NRG3: variants seen among roughly 807,000 people sequenced by gnomAD.
NRG3 encodes the protein pro-neuregulin-3, membrane-bound isoform.
A neutral mutation model predicts 66.9 loss-of-function variants in NRG3; 31 were observed. The observed-to-expected ratio is 0.46, with a 90% confidence interval of 0.35 to 0.63. The LOEUF (loss-of-function observed/expected upper bound fraction) is 0.63. Ranked by LOEUF, NRG3 falls within the 20% of genes least tolerant of loss-of-function variation. The pLI, the probability that NRG3 is intolerant of heterozygous loss-of-function variation, is 0.00. For synonymous variants in NRG3, 393 were observed against 359.4 expected (o/e 1.09, Z -1.06); for missense variants, 910 against 878.9 (o/e 1.04, Z -0.45).
chr10:82,959,113 C>T (rs1850363461), intron 6 of NRG3, 38 bp downstream of exon 6: 5 of 1,531,068 alleles, frequency 3.3e-6, no homozygotes, highest in Non-Finnish European at 4.4e-6. Context: ...CTATAGCCTA[C>T]CTCAGTGCTT....
intron 1 of NRG3, among the ~76,000 whole-genome samples, chr10:82,005,563 A>G (rs1459469618): frequency 6.6e-6 from 1 of 152,178 alleles, no homozygotes; most frequent in Non-Finnish European, 1.5e-5. Context: ...TAATCGATCA[A>G]CTAACATTGT....
intron 1 of NRG3, among the ~76,000 whole-genome samples, chr10:82,306,726 A>C (rs916049542): frequency 3.4e-5 from 5 of 148,798 alleles, no homozygotes; most frequent in Non-Finnish European, 6.0e-5. Context: ...AAAAAAAAAA[A>C]AAAAAAAAAA....
At chr10:82,486,360 G>T (rs1308952530) in intron 2 of NRG3, among the ~76,000 whole-genome samples, 1 of 151,980 alleles carries the variant, frequency 6.6e-6, no homozygotes, top group South Asian at 2.1e-4. Flanking sequence ...GGTAGAAAAA[G>T]CCTAAATGTC....
intron 3 of NRG3, among the ~76,000 whole-genome samples, chr10:82,833,698 G>T (rs2062640895): frequency 6.6e-6 from 1 of 152,066 alleles, no homozygotes; most frequent in Non-Finnish European, 1.5e-5. Flanking sequence ...GCCCTGCCTG[G>T]GCACAACACC....
chr10:82,521,241 GCTT>G (rs1263355907), intron 2 of NRG3, among the ~76,000 whole-genome samples: 1 of 152,132 alleles, frequency 6.6e-6, no homozygotes, highest in Non-Finnish European at 1.5e-5. Flanking sequence ...AATCATCTGA[GCTT>G]TCAGGGAGTC....
chr10:82,086,644 C>T (rs985787872), intron 1 of NRG3, among the ~76,000 whole-genome samples: 20 of 152,002 alleles, frequency 1.3e-4, no homozygotes, highest in South Asian at 6.2e-4. Context: ...ACAGTGTGGA[C>T]GCAATACATT....
intron 3 of NRG3, among the ~76,000 whole-genome samples, chr10:82,754,718 AT>A (rs2059010039): frequency 6.6e-6 from 1 of 152,106 alleles, no homozygotes; most frequent in South Asian, 2.1e-4. Flanking sequence ...ATGTAGCTTT[AT>A]TTGACTCCTA....
intron 1 of NRG3, among the ~76,000 whole-genome samples, chr10:82,185,836 T>A (rs2073769495): frequency 1.3e-5 from 2 of 152,190 alleles, no homozygotes; most frequent in Admixed American, 6.6e-5. Context: ...TCTAAAAAAT[T>A]AATGAAACAA....
At chr10:82,731,955 A>G (rs969646779) in intron 2 of NRG3, among the ~76,000 whole-genome samples, 1 of 152,198 alleles carries the variant, frequency 6.6e-6, no homozygotes, top group African/African-American at 2.4e-5. Context: ...ATAGTTAATA[A>G]CAATGTACTA....
chr10:82,071,469 G>C (rs2064803235), intron 1 of NRG3, among the ~76,000 whole-genome samples: 1 of 152,154 alleles, frequency 6.6e-6, no homozygotes, highest in Non-Finnish European at 1.5e-5. Flanking sequence ...AGAGAGAAGG[G>C]CATCCCAGGC....
chr10:82,957,498 T>G (rs1850166388), intron 5 of NRG3, among the ~76,000 whole-genome samples: 2 of 152,056 alleles, frequency 1.3e-5, no homozygotes, highest in African/African-American at 2.4e-5. Flanking sequence ...GAGTCATTTG[T>G]GTTAAAAACC....
chr10:82,539,738 A>G (rs567946233), intron 2 of NRG3, among the ~76,000 whole-genome samples: 5 of 152,006 alleles, frequency 3.3e-5, no homozygotes, highest in South Asian at 2.1e-4. Flanking sequence ...GGTTCAAGCA[A>G]TTGTCTGCCT....
chr10:82,293,999 C>A (rs540562066), intron 1 of NRG3, among the ~76,000 whole-genome samples: 149 of 152,064 alleles, frequency 9.8e-4, no homozygotes, highest in Non-Finnish European at 1.9e-3. Context: ...TTTGAATTTG[C>A]TACTCTGGTT....
chr10:82,199,889 CGTGTGT>C (rs71007301), intron 1 of NRG3, among the ~76,000 whole-genome samples: 3,553 of 142,376 alleles, frequency 0.025, 89 homozygotes, highest in African/African-American at 0.067. Context: ...TGTGTGTGTG[CGTGTGT>C]GTGTGTGTGT....
intron 2 of NRG3, among the ~76,000 whole-genome samples, chr10:82,443,049 G>A (rs891877637): frequency 6.6e-5 from 10 of 151,918 alleles, no homozygotes; most frequent in Non-Finnish European, 1.5e-4. Context: ...ACCTCTCTTG[G>A]CATTTAGATT....
intron 2 of NRG3, among the ~76,000 whole-genome samples, chr10:82,504,413 G>A (rs763861652): frequency 1.3e-5 from 2 of 152,100 alleles, no homozygotes. Context: ...CCATGCTGTG[G>A]TGTAGCCAAA....
At chr10:82,684,721 A>C (rs2054375552) in intron 2 of NRG3, among the ~76,000 whole-genome samples, 1 of 152,208 alleles carries the variant, frequency 6.6e-6, no homozygotes, top group Admixed American at 6.5e-5. Flanking sequence ...AAAGTTCCAG[A>C]AGAACTCAGG....
At chr10:82,561,008 A>G (rs1483001995) in intron 2 of NRG3, among the ~76,000 whole-genome samples, 2 of 152,080 alleles carry the variant, frequency 1.3e-5, no homozygotes, top group Non-Finnish European at 2.9e-5. Context: ...ATATACCAAT[A>G]TTCCTGTTCT....
intron 1 of NRG3, among the ~76,000 whole-genome samples, chr10:81,918,026 C>T (rs1026022347): frequency 6.6e-6 from 1 of 152,142 alleles, no homozygotes; most frequent in African/African-American, 2.4e-5. Flanking sequence ...CTTTGTCATC[C>T]GAATCCATAT....
Sources: allele counts gnomAD v4.1 joint callset (sites outside exome capture counted in the v4.1 genomes callset), GRCh38; gene constraint gnomAD v4.1.1; transcripts MANE v1.5; gene names NCBI Gene and HGNC (gene_info 2026-07-23, HGNC 2026-07-21).